Variants in DPP10 observed in about 807,000 individuals in gnomAD.
The protein encoded by DPP10 is dipeptidyl peptidase like 10, also known as inactive dipeptidyl peptidase 10.
A neutral mutation model predicts 120.9 loss-of-function variants in DPP10; 33 were observed. The observed-to-expected ratio is 0.27, with a 90% CI of 0.21 to 0.37. The LOEUF (loss-of-function observed/expected upper bound fraction) is 0.37. DPP10 is among the 10% of genes least tolerant of loss of function. The pLI, the probability that DPP10 is intolerant of heterozygous loss-of-function variation, is 1.00. For synonymous variants in DPP10, 337 were observed against 326.1 expected, an observed-to-expected ratio of 1.03 and a Z score of -0.36; for missense variants, 816 against 942.8, an observed-to-expected ratio of 0.87 and a Z score of 1.76.
intron 1 of DPP10, among the ~76,000 whole-genome samples, chr2:115,292,799 G>T (rs545400125): frequency 6.6e-6 from 1 of 152,212 alleles, no homozygotes; most frequent in South Asian, 2.1e-4. Flanking sequence ...CTGAGGATCT[G>T]AGCATTGTCC....
chr2:114,737,826 T>A (rs1277546593), intron 1 of DPP10, among the ~76,000 whole-genome samples: 1 of 152,232 alleles, frequency 6.6e-6, no homozygotes, highest in Non-Finnish European at 1.5e-5. Flanking sequence ...TTTACCTTTG[T>A]CTGGCAAAGC....
intron 1 of DPP10, among the ~76,000 whole-genome samples, chr2:114,850,706 C>T (rs1050387725): frequency 6.6e-6 from 1 of 152,122 alleles, no homozygotes; most frequent in African/African-American, 2.4e-5. Flanking sequence ...GTCCACTTCT[C>T]TCTATAGATA....
At chr2:115,065,829 T>C (rs1271004258) in intron 1 of DPP10, among the ~76,000 whole-genome samples, 1 of 152,226 alleles carries the variant, frequency 6.6e-6, no homozygotes, top group Admixed American at 6.5e-5. Context: ...TTTATCATTG[T>C]TAGTTTTTAT....
intron 1 of DPP10, among the ~76,000 whole-genome samples, chr2:114,891,844 A>C (rs1232590896): frequency 6.6e-6 from 1 of 152,206 alleles, no homozygotes; most frequent in Admixed American, 6.5e-5. Flanking sequence ...AAGACAAGGA[A>C]TTCTGCACTG....
At chr2:115,615,992 G>A (rs979780808) in intron 5 of DPP10, among the ~76,000 whole-genome samples, 2 of 152,052 alleles carry the variant, frequency 1.3e-5, no homozygotes, top group Admixed American at 6.6e-5. Context: ...GAAATTATTA[G>A]CAATTCTAAA....
intron 21 of DPP10, among the ~76,000 whole-genome samples, chr2:115,835,425 C>G (rs551195454): frequency 1.3e-5 from 2 of 152,288 alleles, no homozygotes; most frequent in South Asian, 4.1e-4. Context: ...AGTTATTCTT[C>G]TCTTCCTGGT....
intron 3 of DPP10, among the ~76,000 whole-genome samples, chr2:115,460,983 AC>A (rs1210336520): frequency 6.6e-6 from 1 of 152,192 alleles, no homozygotes; most frequent in Non-Finnish European, 1.5e-5. Flanking sequence ...TGGGGGATTG[AC>A]TATAGTGTGT....
rs138748656 is a variant in DPP10 at position 115,260,694 on chromosome 2, A to G, written c.61-48545A>G. Among the ~76,000 whole-genome samples the G allele has an allele frequency of 1.2e-4, 18 of 152,318 alleles. 1 individual carries two copies. The East Asian group carries it at 3.5e-3, about 29-fold the overall frequency. On this transcript the variant is annotated intron_variant, in intron 1 of 25. Coordinates refer to ENST00000410059, the MANE Select transcript of DPP10 (RefSeq NM_020868.6). ...TTAAAATGGCAAAAGCAAAGGGTGT[A>G]TGATTTTTAAGCTCATTTTAGTGCT...
At chr2:115,379,530 G>C (rs1165795014) in intron 3 of DPP10, among the ~76,000 whole-genome samples, 1 of 151,906 alleles carries the variant, frequency 6.6e-6, no homozygotes, top group East Asian at 1.9e-4. Context: ...TTTTTTGAAG[G>C]GTTTTTTGTG....
chr2:115,471,728 A>G (rs2074733166), intron 3 of DPP10, among the ~76,000 whole-genome samples: 1 of 151,980 alleles, frequency 6.6e-6, no homozygotes, highest in Non-Finnish European at 1.5e-5. Context: ...CTGGGACCAC[A>G]GGCATACGCT....
At chr2:114,810,551 A>G (rs1274141380) in intron 1 of DPP10, among the ~76,000 whole-genome samples, 2 of 152,244 alleles carry the variant, frequency 1.3e-5, no homozygotes, top group East Asian at 1.9e-4. Context: ...TTAAGTCTGG[A>G]ATAATTTAAT....
At chr2:115,553,273 C>T (rs2079989678) in intron 5 of DPP10, among the ~76,000 whole-genome samples, 1 of 152,004 alleles carries the variant, frequency 6.6e-6, no homozygotes, top group Non-Finnish European at 1.5e-5. Context: ...CATAACATTA[C>T]CATAAATCTT....
chr2:115,073,757 C>T (rs1707561423), intron 1 of DPP10, among the ~76,000 whole-genome samples: 1 of 152,212 alleles, frequency 6.6e-6, no homozygotes, highest in Non-Finnish European at 1.5e-5. Context: ...TAAAAATATA[C>T]TCAACAGTTC....
chr2:115,730,102 T>C (rs1010191255), intron 8 of DPP10, among the ~76,000 whole-genome samples: 2 of 152,158 alleles, frequency 1.3e-5, no homozygotes, highest in African/African-American at 4.8e-5. Context: ...AGTGACAAGA[T>C]TGGATCTTCC....
rs143169473 is a variant in DPP10, at chr2:115,516,492, C to A, written c.367-9406C>A. ...TCAATCTATTATTAGGAGTCCCGAA[C>A]AGGAGGTATAATGTTACATCGGTTA... On this transcript the variant is annotated intron_variant, in intron 4 of 25. Coordinates refer to ENST00000410059, the MANE Select transcript of DPP10 (RefSeq NM_020868.6). Among the ~76,000 whole-genome samples, 70 of 151,162 alleles carry A rather than the reference C, an allele frequency of 4.6e-4. 1 individual carries two copies. The East Asian group carries it at 0.013, about 29-fold the overall frequency.
chr2:114,760,265 C>T (rs560665755), intron 1 of DPP10, among the ~76,000 whole-genome samples: 3 of 152,258 alleles, frequency 2.0e-5, no homozygotes, highest in Admixed American at 6.5e-5. Flanking sequence ...CTCTGAGAAC[C>T]GTCCTAGCAT....
chr2:114,748,610 G>T (rs1431372383), intron 1 of DPP10, among the ~76,000 whole-genome samples: 17 of 84,846 alleles, frequency 2.0e-4, no homozygotes, highest in Non-Finnish European at 3.2e-4. Context: ...GTGTCCATGT[G>T]ATCTCATTGT....
chr2:115,831,235 CTTCTTTCT>C (rs55773986), intron 21 of DPP10, among the ~76,000 whole-genome samples: 6 of 151,344 alleles, frequency 4.0e-5, no homozygotes, highest in East Asian at 3.9e-4. Context: ...GCACAGATCA[CTTCTTTCT>C]TTCTTTCTTT....
rs1394498722 is a variant in DPP10 at position 115,194,286 on chromosome 2, G to A, written c.61-114953G>A. Among the ~76,000 whole-genome samples the A allele has an allele frequency of 2.6e-5, 4 of 152,018 alleles. 1 individual carries two copies. The highest frequency in any genetic ancestry group is 1.3e-4 in the Admixed American group (2 of 15,262). ...GTTGCCCGAGCTAGAGTGCAATGGC[G>A]TGATCTCGGCTCACCGCAGCCTCCG... On this transcript the variant is annotated intron_variant, in intron 1 of 25. Transcript: ENST00000410059.
Sources: gnomAD v4.1 joint callset for allele counts (sites outside exome capture counted in the v4.1 genomes callset) on GRCh38, gnomAD v4.1.1 for gene constraint, MANE v1.5 for transcripts, NCBI Gene and HGNC (gene_info 2026-07-23, HGNC 2026-07-21) for gene names.